PIK3C2A: variants seen among roughly 807,000 people sequenced by gnomAD.
The protein encoded by PIK3C2A is phosphatidylinositol 4-phosphate 3-kinase C2 domain-containing subunit alpha.
Under a neutral mutation model 204.5 loss-of-function variants are expected in PIK3C2A, and 97 were observed. That is an observed-to-expected ratio of 0.47 (90% confidence interval 0.40 to 0.56). PIK3C2A has a LOEUF of 0.56. PIK3C2A is among the 20% of genes least tolerant of loss of function. PIK3C2A has a pLI of 0.00. For synonymous variants in PIK3C2A, 653 were observed against 664.4 expected (o/e 0.98, Z 0.26); for missense variants, 1,735 against 1,969.2 (o/e 0.88, Z 2.25).
At chr11:17,102,185 C>T (rs1848656495) in intron 24 of PIK3C2A, among the ~76,000 whole-genome samples, 2 of 152,076 alleles carry the variant, frequency 1.3e-5, no homozygotes, top group African/African-American at 2.4e-5. Flanking sequence ...GCCTGTAATC[C>T]CAGCACTTTG....
At chr11:17,161,839 G>A (rs1244078249) in intron 2 of PIK3C2A, among the ~76,000 whole-genome samples, 2 of 152,224 alleles carry the variant, frequency 1.3e-5, no homozygotes, top group Non-Finnish European at 2.9e-5. Flanking sequence ...TCAGGGAAAA[G>A]TTTGTAAGTA....
chr11:17,115,666 G>C (rs1252106968), intron 19 of PIK3C2A: 1 of 151,650 alleles, frequency 6.6e-6, no homozygotes, highest in African/African-American at 2.4e-5. Context: ...ATTTTTAACA[G>C]AACACTTCAC....
chr11:17,131,897 A>AG lies in PIK3C2A; in HGVS notation c.2231+18dup, dbSNP rs1849708242. ...AACAGGACACACTGAAAGAATAAAA[A>AG]GCCAGAAATTTCACTTACAGTTCAT... On this transcript the variant is annotated intron_variant, in intron 12 of 32. Coordinates refer to ENST00000691414, the MANE Select transcript of PIK3C2A (RefSeq NM_002645.4). 1.3e-6 allele frequency: 2 copies of AG among 1,595,776 alleles called. No individual in the cohort carries two copies. Among genetic ancestry groups the AG allele is most frequent in the African/African-American group, 2.7e-5 (2 of 73,946 alleles).
chr11:17,201,585 G>A (rs1053062385), intron 1 of PIK3C2A, among the ~76,000 whole-genome samples: 3 of 149,306 alleles, frequency 2.0e-5, no homozygotes, highest in African/African-American at 7.4e-5. Flanking sequence ...CTAAACCTAC[G>A]TTTTATGTTC....
At chr11:17,183,338 T>C (rs543289451) in intron 1 of PIK3C2A, among the ~76,000 whole-genome samples, 10 of 152,332 alleles carry the variant, frequency 6.6e-5, no homozygotes, top group African/African-American at 2.4e-4. Context: ...ATAATTATTC[T>C]ATTATTACTT....
intron 3 of PIK3C2A, among the ~76,000 whole-genome samples, chr11:17,153,232 G>T (rs1335329777): frequency 6.6e-6 from 1 of 152,060 alleles, no homozygotes; most frequent in Admixed American, 6.6e-5. Context: ...AGGAGTTCAA[G>T]ACCAGCTTGG....
chr11:17,137,059 C>T (rs1478655136), intron 8 of PIK3C2A, among the ~76,000 whole-genome samples: 5 of 152,056 alleles, frequency 3.3e-5, no homozygotes, highest in African/African-American at 7.2e-5. Context: ...CAACATTTAC[C>T]GGAGAAGTAC....
At chr11:17,093,060 G>T (rs1280216001) in intron 28 of PIK3C2A, among the ~76,000 whole-genome samples, 1 of 152,084 alleles carries the variant, frequency 6.6e-6, no homozygotes, top group Non-Finnish European at 1.5e-5. Context: ...ACTTATTTTG[G>T]TGGCAGTGGA....
chr11:17,106,410 CAA>C (rs1164491659), intron 22 of PIK3C2A, among the ~76,000 whole-genome samples: 1 of 150,590 alleles, frequency 6.6e-6, no homozygotes, highest in Non-Finnish European at 1.5e-5. Flanking sequence ...ACCCTGTCTT[CAA>C]AAAAAATAAA....
intron 1 of PIK3C2A, among the ~76,000 whole-genome samples, chr11:17,182,745 T>C (rs954551770): frequency 1.6e-4 from 24 of 152,182 alleles, no homozygotes; most frequent in African/African-American, 5.8e-4. Context: ...ACAAACTTTA[T>C]AAAATAGAGT....
chr11:17,204,718 C>T (rs1354710982), intron 1 of PIK3C2A, among the ~76,000 whole-genome samples: 3 of 152,174 alleles, frequency 2.0e-5, no homozygotes, highest in Admixed American at 1.3e-4. Context: ...AAGTACCAGG[C>T]ACTCTTTCAG....
intron 1 of PIK3C2A, chr11:17,194,513 C>G (rs1852071259): frequency 6.5e-6 from 1 of 153,542 alleles, no homozygotes; most frequent in South Asian, 2.1e-4. Context: ...AGTTTCTGCC[C>G]CATCCCTATT....
Position 17,169,751 on chromosome 11 carries a change from A to C in PIK3C2A, c.-10T>G. On this transcript the variant is annotated 5_prime_UTR_variant, in exon 2 of 33. Transcript: ENST00000691414. ...TAGATATCTGAGCCATGTCCACTAAAAAGACCAAACCTTCCTTCCTCTATT... is the reference window on the plus strand; with the variant it reads ...TAGATATCTGAGCCATGTCCACTAACAAGACCAAACCTTCCTTCCTCTATT... The C allele has an allele frequency of 6.4e-7, 1 of 1,565,234 alleles. No homozygotes were observed. The highest frequency in any genetic ancestry group is 1.9e-5 in the Admixed American group (1 of 52,632).
At chr11:17,113,705 C>G (rs1369405486) in intron 20 of PIK3C2A, among the ~76,000 whole-genome samples, 1 of 147,176 alleles carries the variant, frequency 6.8e-6, no homozygotes, top group Non-Finnish European at 1.5e-5. Context: ...TCACTTGAAC[C>G]TGGGAGGCGG....
chr11:17,132,116 T>C, intron 11 of PIK3C2A, 78 bp from the exon 12 acceptor site: 1 of 837,664 alleles, frequency 1.2e-6, no homozygotes, highest in South Asian at 1.8e-5. Flanking sequence ...TTAGCAGTTC[T>C]TCCTCCAAAG....
chr11:17,174,309 CGG>C (rs113905403), intron 1 of PIK3C2A, among the ~76,000 whole-genome samples: 69,243 of 127,404 alleles, frequency 0.54, 19,910 homozygotes, highest in East Asian at 0.8. Flanking sequence ...AAACAGCGGC[CGG>C]GCGCGGTGGC....
intron 1 of PIK3C2A, among the ~76,000 whole-genome samples, chr11:17,201,944 T>C (rs1307173931): frequency 6.6e-6 from 1 of 152,098 alleles, no homozygotes; most frequent in Non-Finnish European, 1.5e-5. Context: ...TCAAATGCCA[T>C]ATGAAGAGAT....
intron 13 of PIK3C2A, among the ~76,000 whole-genome samples, chr11:17,127,227 A>G (rs1271323401): frequency 6.6e-6 from 1 of 152,222 alleles, no homozygotes; most frequent in Non-Finnish European, 1.5e-5. Context: ...ACCAAAATGT[A>G]GAGAACAAAA....
At chr11:17,163,235 G>A (rs1389619971) in intron 2 of PIK3C2A, among the ~76,000 whole-genome samples, 1 of 152,176 alleles carries the variant, frequency 6.6e-6, no homozygotes, top group Non-Finnish European at 1.5e-5. Context: ...GAACCTGGGA[G>A]GTGGAGGTTG....
Sources: gnomAD v4.1 joint callset for allele counts (sites outside exome capture counted in the v4.1 genomes callset) on GRCh38, gnomAD v4.1.1 for gene constraint, MANE v1.5 for transcripts, NCBI Gene and HGNC (gene_info 2026-07-23, HGNC 2026-07-21) for gene names.